Variants in TET1 observed in about 807,000 individuals in gnomAD.
TET1 encodes the protein methylcytosine dioxygenase TET1.
Under a neutral mutation model 148.7 loss-of-function variants are expected in TET1, and 13 were observed. The observed-to-expected ratio is 0.09, with a 90% CI of 0.06 to 0.14. The LOEUF (loss-of-function observed/expected upper bound fraction) is 0.14, where lower values mean the gene tolerates loss of function less well. Among genes scored for constraint, TET1 ranks in the 10% least tolerant of loss-of-function variants. TET1 has a pLI of 1.00. For missense variants in TET1, 2,182 were observed against 2,553.8 expected, an observed-to-expected ratio of 0.85 and a Z score of 3.14; for synonymous variants, 907 against 937.2, an observed-to-expected ratio of 0.97 and a Z score of 0.59.
At chr10:68,678,348 C>G (rs538311254) in intron 8 of TET1, among the ~76,000 whole-genome samples, 1 of 152,246 alleles carries the variant, frequency 6.6e-6, no homozygotes, top group East Asian at 1.9e-4. Flanking sequence ...TAAGGGAAAT[C>G]TACATGGGAA....
chr10:68,604,949 CT>C (rs2054103537), intron 3 of TET1, among the ~76,000 whole-genome samples: 1 of 152,138 alleles, frequency 6.6e-6, no homozygotes, highest in Admixed American at 6.5e-5. Flanking sequence ...ATTAGATAGT[CT>C]TTTTGGCTGG....
intron 6 of TET1, among the ~76,000 whole-genome samples, chr10:68,659,573 C>T (rs1261468448): frequency 6.6e-6 from 1 of 152,160 alleles, no homozygotes; most frequent in Non-Finnish European, 1.5e-5. Context: ...CCCACCTTGG[C>T]CTCCCAAAGT....
chr10:68,586,485 G>T (rs1166100616), intron 2 of TET1, among the ~76,000 whole-genome samples: 14 of 133,506 alleles, frequency 1.0e-4, no homozygotes, highest in South Asian at 2.4e-4. Context: ...GCCAGCTAAC[G>T]TTTTTTTTTT....
chr10:68,691,161 C>A lies in TET1; in HGVS notation c.5758C>A (p.Pro1920Thr), dbSNP rs770933943. ...CACCCTGTCTGCTCCTGTGATGGAG[C>A]CCCTCATTAATTCTGAGCCTTCCAC... Reference protein sequence around the residue: ...LPTLSAPVMEPLINSEPSTGV... With the variant: ...LPTLSAPVMETLINSEPSTGV... The change falls in exon 12 of 12, where the codon CCC becomes ACC. Residue 1920 changes from proline (P) to threonine (T), a missense_variant. Pro to Thr is a conservative substitution (Grantham distance 38, BLOSUM62 -1). Transcript: ENST00000373644. The surrounding 1 kb of genome is among the most constrained non-coding windows in gnomAD (Gnocchi z 4.4). 2.5e-6 allele frequency: 4 copies of A among 1,614,160 alleles called. No homozygotes were observed. The Admixed American group carries it at 6.7e-5, about 27-fold the overall frequency.
At chr10:68,672,357 G>T (rs1373069165) in intron 7 of TET1, among the ~76,000 whole-genome samples, 1 of 150,868 alleles carries the variant, frequency 6.6e-6, no homozygotes, top group Admixed American at 6.6e-5. Flanking sequence ...GCGTGGTGGC[G>T]CACACCTGTA....
At chr10:68,628,532 AG>A (rs1399447950) in intron 3 of TET1, among the ~76,000 whole-genome samples, 1 of 152,236 alleles carries the variant, frequency 6.6e-6, no homozygotes, top group East Asian at 1.9e-4. Context: ...AGGAAGGGAT[AG>A]CATTGCAATC....
intron 2 of TET1, among the ~76,000 whole-genome samples, chr10:68,586,488 T>TTTTTG (rs1184692057): frequency 4.0e-5 from 6 of 149,506 alleles, no homozygotes; most frequent in Non-Finnish European, 7.4e-5. Flanking sequence ...AGCTAACGTT[T>TTTTTG]TTTTTTTTTT....
chr10:68,640,127 A>G (rs993164260), intron 3 of TET1, among the ~76,000 whole-genome samples: 2 of 151,900 alleles, frequency 1.3e-5, no homozygotes, highest in African/African-American at 4.8e-5. Context: ...GGGTTTCACC[A>G]TGTTGGTCAG....
intron 3 of TET1, among the ~76,000 whole-genome samples, chr10:68,644,256 T>C (rs961213566): frequency 2.6e-5 from 4 of 152,086 alleles, no homozygotes; most frequent in African/African-American, 4.8e-5. Context: ...GGCTGGAGTA[T>C]AGTAGCACAG....
chr10:68,572,181 A>G lies in TET1; in HGVS notation c.-122-36A>G, dbSNP rs1590158445. 7.5e-5 allele frequency: 46 copies of G among 610,434 alleles called. No homozygotes were observed. The East Asian group carries it at 1.3e-3, about 17-fold the overall frequency. The allele number at this position is 610,434 out of a possible 1,614,324, so 37.8% of individuals were successfully genotyped here. On this transcript the variant is annotated intron_variant, in intron 1 of 11. Transcript: ENST00000373644. ...TTTCAAATAGGGGAATGCATAGGAAAAAGACTCACTTCAGTGTATTCTGTT... is the reference window on the plus strand; with the variant it reads ...TTTCAAATAGGGGAATGCATAGGAAGAAGACTCACTTCAGTGTATTCTGTT...
At chr10:68,587,115 G>A (rs558417187) in intron 2 of TET1, among the ~76,000 whole-genome samples, 2 of 152,298 alleles carry the variant, frequency 1.3e-5, no homozygotes, top group African/African-American at 2.4e-5. Context: ...GTGGTTTCCA[G>A]CGAGATGACT....
chr10:68,586,352 A>G (rs2053860994), intron 2 of TET1, among the ~76,000 whole-genome samples: 1 of 151,892 alleles, frequency 6.6e-6, no homozygotes, highest in Non-Finnish European at 1.5e-5. Context: ...TAATTTTTGT[A>G]TTTTTAGCAG....
intron 7 of TET1, among the ~76,000 whole-genome samples, chr10:68,668,185 T>C (rs2055220033): frequency 6.6e-6 from 1 of 152,226 alleles, no homozygotes. Flanking sequence ...TATTCTGTGA[T>C]ATAATTTGCA....
At chr10:68,614,928 T>A (rs1208171750) in intron 3 of TET1, among the ~76,000 whole-genome samples, 1 of 151,932 alleles carries the variant, frequency 6.6e-6, no homozygotes, top group African/African-American at 2.4e-5. Flanking sequence ...TCATAAAAAA[T>A]TTAAAATTTT....
At position 68,684,619 on chromosome 10, in the gene TET1, T is replaced by G. The variant is rs41509148; in HGVS notation, c.5052+1646T>G. On this transcript the variant is annotated intron_variant, in intron 10 of 11. Transcript: ENST00000373644. ...TTTCTCTTCTCTGCGCTCTTTGACT[T>G]CCAGGGCCCGGATTACTCACTCAAT... Among the ~76,000 whole-genome samples, 944 of 152,214 alleles carry G rather than the reference T, an allele frequency of 6.2e-3. 7 individuals are homozygous for G. Among genetic ancestry groups the G allele is most frequent in the African/African-American group, 0.022 (901 of 41,528 alleles).
intron 2 of TET1, among the ~76,000 whole-genome samples, chr10:68,596,025 C>CATATATAT (rs1270482577): frequency 3.6e-4 from 20 of 56,022 alleles, no homozygotes; most frequent in African/African-American, 5.2e-4. Context: ...CACACACACA[C>CATATATAT]ACATATATAT....
At chr10:68,567,930 G>A (rs889724799) in intron 1 of TET1, among the ~76,000 whole-genome samples, 7 of 152,142 alleles carry the variant, frequency 4.6e-5, no homozygotes, top group African/African-American at 9.7e-5. Context: ...GGAGGCTGGA[G>A]TGCAATGGCA....
Position 68,573,518 on chromosome 10 carries a change from G to C in TET1, c.1180G>C (p.Asp394His). The C allele has an allele frequency of 6.2e-7, 1 of 1,614,180 alleles. No individual in the cohort carries two copies. Among genetic ancestry groups the C allele is most frequent in the Non-Finnish European group, 8.5e-7 (1 of 1,180,044 alleles). Residue 394 changes from aspartate (D) to histidine (H), a missense_variant, in exon 2 of 12, where the codon GAT (aspartate) becomes CAT (histidine). By Grantham distance (81) the Asp-to-His change is moderately conservative. Around this residue, in one of 11 missense-constraint regions of TET1, gnomAD observed 665 missense variants for 672.4 expected, o/e 0.99. Transcript: ENST00000373644. ...TGGTGAGGCCCTGGGTGAGACCCCA[G>C]ATCTACCAGAGATTCCTGGTGCTAT... Reference protein sequence around the residue: ...VHGEALGETPDLPEIPGAIPV... With the variant: ...VHGEALGETPHLPEIPGAIPV...
chr10:68,659,132 C>T lies in TET1; in HGVS notation c.4461+6538C>T, dbSNP rs527331038. Among the ~76,000 whole-genome samples the T allele has an allele frequency of 2.6e-4, 39 of 152,234 alleles. 1 individual carries two copies. Among genetic ancestry groups the T allele is most frequent in the Admixed American group, 2.2e-3 (33 of 15,288 alleles). On this transcript the variant is annotated intron_variant, in intron 6 of 11. Transcript: ENST00000373644. ...ATCCCAGCTACTCAGGAGGCTGAGG[C>T]AGGAGTATAACTCTTTGTATACTTC...
Sources: gnomAD v4.1 joint callset for allele counts (sites outside exome capture counted in the v4.1 genomes callset) on GRCh38, gnomAD v4.1.1 for gene constraint, gnomAD v4.1.1 regional missense constraint, Gnocchi (gnomAD v3.1) non-coding constraint, MANE v1.5 for transcripts, NCBI Gene and HGNC (gene_info 2026-07-23, HGNC 2026-07-21) for gene names.